The following SLC6A15 variants were observed in gnomAD, a reference collection of about 807,000 sequenced individuals.
SLC6A15 encodes solute carrier family 6 member 15.
Under a neutral mutation model 68.5 loss-of-function variants are expected in SLC6A15, and 33 were observed. That is an observed-to-expected ratio of 0.48 (90% confidence interval 0.37 to 0.64). SLC6A15 has a LOEUF of 0.64. Among genes scored for constraint, SLC6A15 ranks in the 30% least tolerant of loss-of-function variants. The pLI is 0.00. For missense variants in SLC6A15, 747 were observed against 874.3 expected (o/e 0.85, Z 1.84); for synonymous variants, 347 against 301.0 (o/e 1.15, Z -1.58).
chr12:84,883,982 T>C lies in SLC6A15; in HGVS notation c.633A>G (p.Ala211=), dbSNP rs756166541. 6.2e-7 allele frequency: 1 copy of C among 1,614,218 alleles called. No individual in the cohort carries two copies. The highest frequency in any genetic ancestry group is 2.2e-5 in the East Asian group (1 of 44,878). The change falls in exon 5 of 12, where the codon GCA becomes GCG. Residue 211 remains alanine (A), a synonymous_variant. Transcript: ENST00000266682. Reference sequence around the variant, plus strand: ...CAGAAATGGAACTTGAAATATTCAGTGCTTCCCTGTACCAGTAATAGGTGG... The same window carrying C: ...CAGAAATGGAACTTGAAATATTCAGCGCTTCCCTGTACCAGTAATAGGTGG... The part of the protein sequence containing the change: ...SATTYYWYRE[A]LNISSSISES...
chr12:84,865,337 G>A (rs1482920041), intron 10 of SLC6A15, among the ~76,000 whole-genome samples: 1 of 152,168 alleles, frequency 6.6e-6, no homozygotes, highest in Admixed American at 6.5e-5. Flanking sequence ...GCAAAATTGA[G>A]CTGAAAGTAG....
chr12:84,886,692 T>C (rs1872120210), intron 2 of SLC6A15, among the ~76,000 whole-genome samples: 1 of 152,000 alleles, frequency 6.6e-6, no homozygotes, highest in African/African-American at 2.4e-5. Flanking sequence ...TTTTCCAAAA[T>C]TATCAGAAAA....
At chr12:84,899,666 C>A (rs963338324) in intron 1 of SLC6A15, among the ~76,000 whole-genome samples, 1 of 152,116 alleles carries the variant, frequency 6.6e-6, no homozygotes, top group Non-Finnish European at 1.5e-5. Context: ...AATTATGAAT[C>A]AAAAACTACT....
At chr12:84,900,028 A>C (rs1236558041) in intron 1 of SLC6A15, among the ~76,000 whole-genome samples, 1 of 152,024 alleles carries the variant, frequency 6.6e-6, no homozygotes, top group East Asian at 1.9e-4. Flanking sequence ...AACCCAGCCT[A>C]CTAGGATTTA....
chr12:84,894,805 T>C (rs1872568943), intron 1 of SLC6A15, among the ~76,000 whole-genome samples: 1 of 152,108 alleles, frequency 6.6e-6, no homozygotes, highest in Non-Finnish European at 1.5e-5. Context: ...AGGTCATATT[T>C]TCTATTTTAA....
intron 8 of SLC6A15, among the ~76,000 whole-genome samples, chr12:84,872,112 G>A (rs890311132): frequency 6.0e-5 from 9 of 149,662 alleles, no homozygotes; most frequent in African/African-American, 2.0e-4. Flanking sequence ...AGCCAAGATC[G>A]CACCACTGCA....
At chr12:84,872,999 A>G (rs1871355044) in intron 7 of SLC6A15, 88 bp downstream of exon 7, 12 of 1,451,712 alleles carry the variant, frequency 8.3e-6, no homozygotes, top group South Asian at 4.1e-5. Context: ...TGTATCTCAT[A>G]AATATGTATA....
chr12:84,890,390 AC>A (rs1172847147), intron 2 of SLC6A15, among the ~76,000 whole-genome samples: 5 of 152,214 alleles, frequency 3.3e-5, no homozygotes, highest in African/African-American at 1.2e-4. Flanking sequence ...GGTCAATACG[AC>A]TTACAAGGCA....
intron 5 of SLC6A15, among the ~76,000 whole-genome samples, chr12:84,880,067 G>C (rs1472810673): frequency 6.6e-6 from 1 of 152,146 alleles, no homozygotes; most frequent in Non-Finnish European, 1.5e-5. Flanking sequence ...TCTGGATTCA[G>C]TAAGACTCTA....
Position 84,870,585 on chromosome 12 carries a change from A to T in SLC6A15, c.1388T>A (p.Phe463Tyr). The change falls in exon 9 of 12, where the codon TTT becomes TAT. Residue 463 changes from phenylalanine (F) to tyrosine (Y), a missense_variant. Coordinates refer to ENST00000266682, the MANE Select transcript of SLC6A15 (RefSeq NM_182767.6). ...GCCTAGATTGACCAGCATGAGGAAAAACATCACTGACCAGAAGGGAGATGC... is the reference window on the plus strand; with the variant it reads ...GCCTAGATTGACCAGCATGAGGAAATACATCACTGACCAGAAGGGAGATGC... The part of the protein sequence containing the change: ...FPASPFWSVM[F>Y]FLMLVNLGLG... 1 of 1,612,928 alleles carries T rather than the reference A, an allele frequency of 6.2e-7. No homozygotes were observed. Among genetic ancestry groups the T allele is most frequent in the South Asian group, 1.1e-5 (1 of 90,866 alleles).
Position 84,896,940 on chromosome 12 carries a change from C to T in SLC6A15, c.-188-4632G>A, listed in dbSNP as rs148864670. ...GTGTGGTGGCTCACGCCTGTAAACC[C>T]AGCACTTTGGGAGCACTAGGCGGGT... On this transcript the variant is annotated intron_variant, in intron 1 of 11. Coordinates refer to ENST00000266682, the MANE Select transcript of SLC6A15 (RefSeq NM_182767.6). Among the ~76,000 whole-genome samples, 966 of 152,228 alleles carry T rather than the reference C, an allele frequency of 6.3e-3. 4 individuals are homozygous for T. Among genetic ancestry groups the T allele is most frequent in the African/African-American group, 0.018 (768 of 41,552 alleles).
intron 1 of SLC6A15, among the ~76,000 whole-genome samples, chr12:84,903,743 A>C (rs761826875): frequency 2.0e-5 from 3 of 152,110 alleles, no homozygotes; most frequent in African/African-American, 2.4e-5. Flanking sequence ...TTGTCATGGC[A>C]TGTAGGGCCC....
In SLC6A15 at chr12:84,888,030, A is replaced by G. The variant is rs549212069; in HGVS notation, c.290-1962T>C. On this transcript the variant is annotated intron_variant, in intron 2 of 11. Coordinates refer to ENST00000266682, the MANE Select transcript of SLC6A15 (RefSeq NM_182767.6). ...CGCTTGAGTTCAGGAGTTCGAGACC[A>G]GCTTGGGCAACATGGTGAGACGCCC... is the stretch of plus-strand genomic sequence containing the variant. Among the ~76,000 whole-genome samples the G allele has an allele frequency of 1.8e-4, 27 of 152,010 alleles. No individual in the cohort carries two copies. In the South Asian group the frequency reaches 5.0e-3, roughly 28 times the overall value.
chr12:84,862,497 GT>G (rs1241208243), intron 11 of SLC6A15, among the ~76,000 whole-genome samples: 1 of 152,146 alleles, frequency 6.6e-6, no homozygotes, highest in Non-Finnish European at 1.5e-5. Flanking sequence ...GGCCCCAAGG[GT>G]TTTGGTGAGA....
intron 5 of SLC6A15, among the ~76,000 whole-genome samples, chr12:84,880,212 C>T: frequency 6.6e-6 from 1 of 152,050 alleles, no homozygotes; most frequent in Non-Finnish European, 1.5e-5. Flanking sequence ...GGTAAGAGGA[C>T]AAAATATTTC....
intron 1 of SLC6A15, among the ~76,000 whole-genome samples, chr12:84,912,226 C>A (rs556928228): frequency 3.9e-5 from 6 of 152,162 alleles, no homozygotes; most frequent in African/African-American, 1.4e-4. Flanking sequence ...ATTTCCACGA[C>A]GGGAAGAAAG....
At chr12:84,872,151 C>T (rs943746074) in intron 8 of SLC6A15, among the ~76,000 whole-genome samples, 5 of 138,792 alleles carry the variant, frequency 3.6e-5, no homozygotes, top group African/African-American at 8.3e-5. Context: ...AGAGAGACTA[C>T]GGCTCAAAAA....
intron 1 of SLC6A15, among the ~76,000 whole-genome samples, chr12:84,909,149 G>A (rs1006488913): frequency 1.3e-5 from 2 of 152,296 alleles, no homozygotes; most frequent in South Asian, 4.1e-4. Context: ...AGCAATGCAT[G>A]AGAGTGCCCG....
intron 9 of SLC6A15, among the ~76,000 whole-genome samples, chr12:84,869,464 C>CAA (rs34160834): frequency 0.2 from 12,265 of 61,918 alleles, 1,378 homozygotes; most frequent in Non-Finnish European, 0.27. Flanking sequence ...GACTCCGTCT[C>CAA]AAAAAAAAAA....
Sources: gnomAD v4.1 joint callset for allele counts (sites outside exome capture counted in the v4.1 genomes callset) on GRCh38, gnomAD v4.1.1 for gene constraint, MANE v1.5 for transcripts, NCBI Gene and HGNC (gene_info 2026-07-23, HGNC 2026-07-21) for gene names.